ALG3: variants seen among roughly 807,000 people sequenced by gnomAD.
ALG3 encodes ALG3 alpha-1,3- mannosyltransferase.
A neutral mutation model predicts 50.5 loss-of-function variants in ALG3; 39 were observed. The ratio of observed to expected loss-of-function variants is 0.77; its 90% CI spans 0.60 to 1.01. The LOEUF (loss-of-function observed/expected upper bound fraction) is 1.01, where lower values mean the gene tolerates loss of function less well. Ranked by LOEUF, ALG3 falls within the 50% of genes least tolerant of loss-of-function variation. ALG3 has a pLI of 0.00. For missense variants in ALG3, 520 were observed against 554.8 expected (o/e 0.94, Z 0.63); for synonymous variants, 252 against 237.2 (o/e 1.06, Z -0.58).
rs1483747582 is a variant in ALG3, at chr3:184,248,770, G to A, written c.171C>T (p.Thr57=). The part of the protein sequence containing the change: ...ACLCLAEVGI[T]FWVIHRVAYT... Reference sequence around the variant, plus strand: ...ATGCCACCCTGTGAATGACCCAGAAGGTGATGCCCACCTCCGCCAGGCAGA... The same window carrying A: ...ATGCCACCCTGTGAATGACCCAGAAAGTGATGCCCACCTCCGCCAGGCAGA... Residue 57 remains threonine, a synonymous_variant, in exon 1 of 9, where the codon ACC becomes ACT. Coordinates refer to ENST00000397676, the MANE Select transcript of ALG3 (RefSeq NM_005787.6). 2.9e-6 allele frequency: 4 copies of A among 1,369,892 alleles called. No individual in the cohort carries two copies. Among genetic ancestry groups the A allele is most frequent in the Non-Finnish European group, 3.9e-6 (4 of 1,025,646 alleles). 84.9% of individuals were successfully genotyped at this position (1,369,892 alleles called of 1,614,324 possible). A position where few individuals can be genotyped will look rare whatever the true frequency, so the allele number is the denominator to read the frequency against.
chr3:184,243,984 G>T lies in ALG3; in HGVS notation c.739C>A (p.Leu247Met). ...ICAGLQVVLGLPFLLENPSGY... is the reference protein window; with the variant it reads ...ICAGLQVVLGMPFLLENPSGY... ...CTGGGGTTCTCCAGCAGGAAGGGCA[G>T]CCCCAGCACCACCTGAGGATTGGTG... The change falls in exon 6 of 9, where the codon CTG becomes ATG. Residue 247 changes from leucine (L) to methionine (M), a missense_variant. Physicochemically the swap from Leu to Met is conservative, Grantham distance 15. Around this residue, in one of 3 missense-constraint regions of ALG3, gnomAD observed 224 missense variants for 272.8 expected, o/e 0.82. Coordinates refer to ENST00000397676, the MANE Select transcript of ALG3 (RefSeq NM_005787.6). 6.2e-7 allele frequency: 1 copy of T among 1,613,024 alleles called. No homozygotes were observed. Among genetic ancestry groups the T allele is most frequent in the Non-Finnish European group, 8.5e-7 (1 of 1,179,704 alleles).
rs1400236401 is a variant in ALG3, at chr3:184,245,499, A to G, written c.413T>C (p.Leu138Pro). The G allele has an allele frequency of 6.2e-7, 1 of 1,613,902 alleles. No individual in the cohort carries two copies. Among genetic ancestry groups the G allele is most frequent in the Non-Finnish European group, 8.5e-7 (1 of 1,179,888 alleles). ...FAVLYLATLL[L>P]VFLIYHQTCK... Reference sequence around the variant, plus strand: ...GGTCTGGTGATAGATCAAGAAGACAAGCAGCAAGGTAGCCAGGTAGAGCAC... The same window carrying G: ...GGTCTGGTGATAGATCAAGAAGACAGGCAGCAAGGTAGCCAGGTAGAGCAC... The change falls in exon 3 of 9, where the codon CTT becomes CCT. Residue 138 changes from leucine (L) to proline (P), a missense_variant. Transcript: ENST00000397676.
rs56263302 is a variant in ALG3, at chr3:184,247,366, C to T, written c.196+1379G>A. On this transcript the variant is annotated intron_variant, in intron 1 of 8. Coordinates refer to ENST00000397676, the MANE Select transcript of ALG3 (RefSeq NM_005787.6). ...AGGCTGGAGTACAGTGGCGCAATCT[C>T]GGCTCACTGCAACCTCCACCTCCCG... 6.4e-3 allele frequency among the ~76,000 whole-genome samples: 968 copies of T among 151,544 alleles called. 10 individuals are homozygous for T. The highest frequency in any genetic ancestry group is 0.022 in the African/African-American group (921 of 41,258).
In ALG3 at chr3:184,242,612, C is replaced by A. The variant is rs758301226; in HGVS notation, c.1219G>T (p.Ala407Ser). 6.3e-7 allele frequency: 1 copy of A among 1,584,812 alleles called. No individual in the cohort carries two copies. Residue 407 changes from alanine to serine, a missense_variant, in exon 9 of 9, where the codon GCT becomes TCT. Physicochemically the swap from Ala to Ser is moderately conservative, Grantham distance 99 (BLOSUM62 1). Transcript: ENST00000397676. ...NTYPSTSCSS[A>S]ALHICHAVIL... ...ACGGCATGGCATATGTGCAGGGCAG[C>A]AGAGCTGCAGGATGTGGAAGGGTAT...
At position 184,243,878 on chromosome 3, in the gene ALG3, G is replaced by A. The variant is rs2233466; in HGVS notation, c.845C>T (p.Ala282Val). The stretch of plus-strand genomic sequence containing the variant: ...GTGGAAGGCTCGATGCAGGAAGAGC[G>A]CCTCTGGGAGGAAGCGCCAGTTCAC... ...WTVNWRFLPE[A>V]LFLHRAFHLA... The change falls in exon 6 of 9, where the codon GCG (alanine) becomes GTG (valine). Residue 282 changes from alanine (A) to valine (V), a missense_variant. Physicochemically the swap from Ala to Val is moderately conservative, Grantham distance 64 (BLOSUM62 0). Transcript: ENST00000397676. 3.1e-4 allele frequency: 503 copies of A among 1,614,008 alleles called. 1 individual carries two copies. Among genetic ancestry groups the A allele is most frequent in the African/African-American group, 2.8e-3 (210 of 75,062 alleles).
Position 184,242,379 on chromosome 3 carries a change from G to A in ALG3, c.*135C>T, listed in dbSNP as rs1307145326. On this transcript the variant is annotated 3_prime_UTR_variant, in exon 9 of 9. Transcript: ENST00000397676. ...CTCCATACGTGTCCCTCACAGCCTG[G>A]ACCAGGCATCGGCTGCCCCCACCTC... 1 of 1,117,312 alleles carries A rather than the reference G, an allele frequency of 9.0e-7. No individual in the cohort carries two copies. The highest frequency in any genetic ancestry group is 2.0e-5 in the Admixed American group (1 of 50,410). 69.2% of individuals were successfully genotyped at this position (1,117,312 alleles called of 1,614,324 possible). A position where few individuals can be genotyped will look rare whatever the true frequency, so the allele number is the denominator to read the frequency against.
At position 184,245,888 on chromosome 3, in the gene ALG3, T is replaced by C. The variant is rs911248506; in HGVS notation, c.197-76A>G. The stretch of plus-strand genomic sequence containing the variant: ...CCACCCTCCCCATGCCTCCAGACCA[T>C]CAAAACACAGACTTTCAGCCAATTC... On this transcript the variant is annotated intron_variant, in intron 1 of 8. Transcript: ENST00000397676. 5.2e-6 allele frequency: 6 copies of C among 1,153,204 alleles called. No homozygotes were observed. In the African/African-American group the frequency reaches 7.6e-5, roughly 15 times the overall value. 71.4% of individuals were successfully genotyped at this position (1,153,204 alleles called of 1,614,324 possible). A position where few individuals can be genotyped will look rare whatever the true frequency, so the allele number is the denominator to read the frequency against.
rs535605402 is a variant in ALG3 at position 184,242,396 on chromosome 3, C to T, written c.*118G>A. 9.4e-5 allele frequency: 122 copies of T among 1,296,878 alleles called. 2 individuals are homozygous for T. In the South Asian group the frequency reaches 1.4e-3, roughly 15 times the overall value. The allele number at this position is 1,296,878 out of a possible 1,614,324, so 80.3% of individuals were successfully genotyped here. On this transcript the variant is annotated 3_prime_UTR_variant, in exon 9 of 9. Coordinates refer to ENST00000397676, the MANE Select transcript of ALG3 (RefSeq NM_005787.6). ...ACAGCCTGGACCAGGCATCGGCTGC[C>T]CCCACCTCCATGTAGGTTGCACAGA...
intron 1 of ALG3, among the ~76,000 whole-genome samples, chr3:184,247,907 G>A (rs1484049030): frequency 6.6e-6 from 1 of 150,718 alleles, no homozygotes; most frequent in South Asian, 2.1e-4. Context: ...GTGCAGTGGC[G>A]TGATCTCGGC....
rs144343564 is a variant in ALG3, at chr3:184,248,378, C to G, written c.196+367G>C. On this transcript the variant is annotated intron_variant, in intron 1 of 8. Transcript: ENST00000397676. ...TCATTGAGAAGGGACGTTCAAAGAT[C>G]ACAGAACTGAACACATGGAAAAAGC... is the stretch of plus-strand genomic sequence containing the variant. Among the ~76,000 whole-genome samples, 591 of 152,250 alleles carry G rather than the reference C, an allele frequency of 3.9e-3. 4 individuals are homozygous for G. The highest frequency in any genetic ancestry group is 0.013 in the African/African-American group (559 of 41,560).
At chr3:184,249,311 C>T (rs1401833250), upstream of ALG3, 2 of 1,597,548 alleles carry the variant, frequency 1.3e-6, no homozygotes, top group Non-Finnish European at 1.7e-6. Context: ...GAGGGCAAAG[C>T]CCCTGTTCGC....
chr3:184,242,498 GGGAAAGGGGT>G lies in ALG3; in HGVS notation c.*6_*15del, dbSNP rs771589805. 1 of 1,611,730 alleles carries G rather than the reference GGGAAAGGGGT, an allele frequency of 6.2e-7. No individual in the cohort carries two copies. The highest frequency in any genetic ancestry group is 2.2e-5 in the East Asian group (1 of 44,788). On this transcript the variant is annotated 3_prime_UTR_variant, in exon 9 of 9. Coordinates refer to ENST00000397676, the MANE Select transcript of ALG3 (RefSeq NM_005787.6). ...TCCTGAGGGTAGACTCAGGTCCTGAGGGAAAGGGGTGGACTTCAGTGGGCTTTCTTGCTGT... is the reference window on the plus strand; with the variant it reads ...TCCTGAGGGTAGACTCAGGTCCTGAGGGACTTCAGTGGGCTTTCTTGCTGT...
At chr3:184,244,390 T>C in intron 5 of ALG3, 1 of 636,448 alleles carries the variant, frequency 1.6e-6, no homozygotes, top group Non-Finnish European at 2.5e-6. Flanking sequence ...AACTTAAAAT[T>C]AAAAAAAGCA....
intron 1 of ALG3, 65 bp from the exon 2 acceptor site, chr3:184,245,877 C>T: frequency 2.4e-6 from 3 of 1,266,334 alleles, no homozygotes; most frequent in Non-Finnish European, 3.4e-6. Flanking sequence ...CCTCCCCATG[C>T]CTCCAGACCA....
Position 184,242,424 on chromosome 3 carries a change from T to G in ALG3, c.*90A>C. On this transcript the variant is annotated 3_prime_UTR_variant, in exon 9 of 9. Coordinates refer to ENST00000397676, the MANE Select transcript of ALG3 (RefSeq NM_005787.6). ...CACCTCCATGTAGGTTGCACAGAGT[T>G]GGACTTAGCAAGGTTTATTTGGAAG... 4 of 1,494,618 alleles carry G rather than the reference T, an allele frequency of 2.7e-6. No homozygotes were observed. The highest frequency in any genetic ancestry group is 3.7e-6 in the Non-Finnish European group (4 of 1,094,786). The allele number at this position is 1,494,618 out of a possible 1,614,324, so 92.6% of individuals were successfully genotyped here. A position where few individuals can be genotyped will look rare whatever the true frequency, so the allele number is the denominator to read the frequency against.
upstream of ALG3, chr3:184,248,970 C>T: frequency 1.3e-6 from 2 of 1,552,412 alleles, no homozygotes; most frequent in Non-Finnish European, 1.7e-6. Flanking sequence ...TGTGGGCCCA[C>T]CACCCCCGGA....
At position 184,245,487 on chromosome 3, in the gene ALG3, A is replaced by G. The variant is rs778518483; in HGVS notation, c.425T>C (p.Ile142Thr). 9 of 1,613,986 alleles carry G rather than the reference A, an allele frequency of 5.6e-6. No individual in the cohort carries two copies. Among genetic ancestry groups the G allele is most frequent in the Non-Finnish European group, 6.8e-6 (8 of 1,179,876 alleles). ...ACTCACCTTGCAGGTCTGGTGATAG[A>G]TCAAGAAGACAAGCAGCAAGGTAGC... ...YLATLLLVFL[I>T]YHQTCKVPPF... Residue 142 changes from isoleucine to threonine, a missense_variant, in exon 3 of 9, where the codon ATC becomes ACC. Transcript: ENST00000397676.
At chr3:184,245,419 C>T (rs1440117487) in intron 3 of ALG3, 49 bp downstream of exon 3, 21 of 1,613,156 alleles carry the variant, frequency 1.3e-5, no homozygotes, top group Non-Finnish European at 1.6e-5. Flanking sequence ...ATCCCCACCA[C>T]CCAGCCCTCC....
intron 4 of ALG3, 197 bp downstream of exon 4, chr3:184,245,001 G>C: frequency 1.2e-6 from 1 of 819,686 alleles, no homozygotes; most frequent in Non-Finnish European, 2.0e-6. Context: ...CTGGGAGGAA[G>C]ACAGGATGGA....
Sources: gnomAD v4.1 joint callset for allele counts (sites outside exome capture counted in the v4.1 genomes callset) on GRCh38, gnomAD v4.1.1 for gene constraint, gnomAD v4.1.1 regional missense constraint, MANE v1.5 for transcripts, NCBI Gene and HGNC (gene_info 2026-07-23, HGNC 2026-07-21) for gene names.